The following RELCH variants were observed in gnomAD, a reference collection of about 807,000 sequenced individuals.
RELCH encodes RAB11-binding protein RELCH.
Under a neutral mutation model 150.3 loss-of-function variants are expected in RELCH, and 41 were observed. The ratio of observed to expected loss-of-function variants is 0.27; its 90% CI spans 0.21 to 0.35. The LOEUF is 0.35. Among genes scored for constraint, RELCH ranks in the 10% least tolerant of loss-of-function variants. RELCH has a pLI of 1.00. For missense variants in RELCH, 1,092 were observed against 1,467.8 expected (o/e 0.74, Z 4.18); for synonymous variants, 478 against 531.8 (o/e 0.90, Z 1.39).
chr18:62,187,766 G>A lies in RELCH; in HGVS notation c.261G>A (p.Glu87=), dbSNP rs751429090. The A allele has an allele frequency of 1.2e-6, 2 of 1,610,458 alleles. No homozygotes were observed. The highest frequency in any genetic ancestry group is 1.7e-6 in the Non-Finnish European group (2 of 1,178,308). The change falls in exon 1 of 29, where the codon GAG becomes GAA. Residue 87 remains glutamate, a synonymous_variant. Coordinates refer to ENST00000644646, the MANE Select transcript of RELCH (RefSeq NM_001346231.2). The part of the protein sequence containing the change: ...AAAVALGGTG[E]TPARLSIDAI... ...CAGTGGCCCTGGGGGGCACCGGGGA[G>A]ACCCCGGCCCGATTATCAATTGATG...
At chr18:62,222,919 G>A (rs2040974049) in intron 5 of RELCH, among the ~76,000 whole-genome samples, 2 of 151,946 alleles carry the variant, frequency 1.3e-5, no homozygotes, top group Admixed American at 1.3e-4. Context: ...AAATTATGAA[G>A]TATTTTGAAC....
intron 25 of RELCH, among the ~76,000 whole-genome samples, chr18:62,282,839 G>A (rs571737226): frequency 2.7e-4 from 41 of 152,090 alleles, no homozygotes; most frequent in Non-Finnish European, 4.7e-4. Flanking sequence ...TGTATTTTTC[G>A]TAGAGACGGG....
At chr18:62,205,601 T>C (rs1195396665) in intron 1 of RELCH, among the ~76,000 whole-genome samples, 4 of 152,258 alleles carry the variant, frequency 2.6e-5, no homozygotes, top group Non-Finnish European at 5.9e-5. Flanking sequence ...TTTTTAATAT[T>C]AACTTTTTGA....
Position 62,228,470 on chromosome 18 carries a change from A to G in RELCH, c.1320A>G (p.Ile440Met). ...KGKNTDIHLS[I>M]SDEADSTIPK... ...AAAACACAGACATCCATCTTTCAATATCAGATGAAGCTGATTCCACTATTC... is the reference window on the plus strand; with the variant it reads ...AAAACACAGACATCCATCTTTCAATGTCAGATGAAGCTGATTCCACTATTC... Residue 440 changes from isoleucine to methionine, a missense_variant, in exon 8 of 29, where the codon ATA becomes ATG. By Grantham distance (10) the Ile-to-Met change is conservative. This residue lies in a region of RELCH where 707 missense variants were observed against 1,025.4 expected (regional missense o/e 0.69). Transcript: ENST00000644646. The G allele has an allele frequency of 6.2e-7, 1 of 1,613,382 alleles. No individual in the cohort carries two copies. The highest frequency in any genetic ancestry group is 8.5e-7 in the Non-Finnish European group (1 of 1,179,626).
chr18:62,210,740 C>T (rs938172356), intron 1 of RELCH, among the ~76,000 whole-genome samples: 8 of 152,086 alleles, frequency 5.3e-5, no homozygotes, highest in African/African-American at 1.9e-4. Flanking sequence ...TCACATTTTA[C>T]TGGTTTTTGT....
chr18:62,255,757 A>G (rs540918436), intron 13 of RELCH, among the ~76,000 whole-genome samples: 2 of 152,190 alleles, frequency 1.3e-5, no homozygotes, highest in South Asian at 2.1e-4. Context: ...AGATCCTTCC[A>G]AAAAGGTCCA....
Position 62,228,338 on chromosome 18 carries a change from C to T in RELCH, c.1188C>T (p.Ala396=). The change falls in exon 8 of 29, where the codon GCC becomes GCT. Residue 396 remains alanine, a synonymous_variant. Transcript: ENST00000644646. ...EMDFLKNEHF[A]IPAVCDSVQP... ...ACTTCCTCAAAAATGAACACTTTGC[C>T]ATCCCAGCAGTTTGTGACTCTGTTC... The T allele has an allele frequency of 6.2e-7, 1 of 1,611,932 alleles. No individual in the cohort carries two copies. Among genetic ancestry groups the T allele is most frequent in the Non-Finnish European group, 8.5e-7 (1 of 1,179,086 alleles).
intron 1 of RELCH, among the ~76,000 whole-genome samples, chr18:62,192,878 G>A (rs2148178297): frequency 6.6e-6 from 1 of 152,128 alleles, no homozygotes; most frequent in Non-Finnish European, 1.5e-5. Flanking sequence ...CTCTTTTTTG[G>A]TTCCATATGA....
intron 1 of RELCH, among the ~76,000 whole-genome samples, chr18:62,194,532 T>G (rs1023890278): frequency 2.8e-4 from 42 of 152,356 alleles, no homozygotes; most frequent in Non-Finnish European, 3.8e-4. Flanking sequence ...AGTACAAACT[T>G]TAGTACAGTT....
In RELCH at chr18:62,308,614, G is replaced by A. The variant is rs1300389046; in HGVS notation, c.*3080G>A. 6.6e-6 allele frequency: 1 copy of A among 152,150 alleles called. No individual in the cohort carries two copies. Among genetic ancestry groups the A allele is most frequent in the Non-Finnish European group, 1.5e-5 (1 of 68,040 alleles). 9.4% of individuals were successfully genotyped at this position (152,150 alleles called of 1,614,324 possible). A position where few individuals can be genotyped will look rare whatever the true frequency, so the allele number is the denominator to read the frequency against. ...GGCCTGTAATCCCTGCTACTCGGGA[G>A]GCTGAGACAGGAGAATCGTTTGAAC... On this transcript the variant is annotated 3_prime_UTR_variant, in exon 29 of 29. Transcript: ENST00000644646.
At chr18:62,240,083 T>G (rs967202520) in intron 10 of RELCH, among the ~76,000 whole-genome samples, 5 of 151,956 alleles carry the variant, frequency 3.3e-5, no homozygotes, top group African/African-American at 1.2e-4. Flanking sequence ...CACATTATAT[T>G]TGGATATAAT....
In RELCH at chr18:62,187,320, G is replaced by T; in HGVS notation, c.-186G>T. On this transcript the variant is annotated 5_prime_UTR_variant, in exon 1 of 29. Transcript: ENST00000644646. Reference sequence around the variant, plus strand: ...CCGGGCTGCTGGTGCAGCAGAGGCTGAGGCATCAGGTGCAGCTGCATCCGG... The same window carrying T: ...CCGGGCTGCTGGTGCAGCAGAGGCTTAGGCATCAGGTGCAGCTGCATCCGG... 1 of 464,608 alleles carries T rather than the reference G, an allele frequency of 2.2e-6. No individual in the cohort carries two copies. Among genetic ancestry groups the T allele is most frequent in the Non-Finnish European group, 3.7e-6 (1 of 268,896 alleles). 28.8% of individuals were successfully genotyped at this position (464,608 alleles called of 1,614,324 possible).
At chr18:62,258,732 C>A in intron 15 of RELCH, 56 bp downstream of exon 15, 1 of 1,241,370 alleles carries the variant, frequency 8.1e-7, no homozygotes, top group Admixed American at 3.0e-5. Flanking sequence ...CTGTCCTAAG[C>A]CATCTTGGAA....
At chr18:62,276,798 T>G (rs1461960165) in intron 22 of RELCH, among the ~76,000 whole-genome samples, 4 of 152,130 alleles carry the variant, frequency 2.6e-5, no homozygotes, top group Non-Finnish European at 4.4e-5. Flanking sequence ...AGAAGCAACT[T>G]TTAAAAAGCC....
intron 1 of RELCH, among the ~76,000 whole-genome samples, chr18:62,191,533 A>G (rs1272305643): frequency 6.6e-6 from 1 of 152,096 alleles, no homozygotes; most frequent in African/African-American, 2.4e-5. Context: ...TCACCTAGGT[A>G]TTATGCCCAG....
chr18:62,218,674 G>A (rs1476342337), intron 2 of RELCH, among the ~76,000 whole-genome samples: 1 of 151,828 alleles, frequency 6.6e-6, no homozygotes, highest in Non-Finnish European at 1.5e-5. Context: ...TATAATATGC[G>A]ATGTTAATAT....
Position 62,279,825 on chromosome 18 carries a change from G to T in RELCH, c.3019G>T (p.Ala1007Ser). ...ETLVAQRVVPALITLSSDPEI... is the reference protein window; with the variant it reads ...ETLVAQRVVPSLITLSSDPEI... ...TCTGGTAGCTCAGAGGGTTGTTCCT[G>T]CTCTCATTACTCTCTCCAGTGACCC... The change falls in exon 23 of 29, where the codon GCT (alanine) becomes TCT (serine). Residue 1007 changes from alanine to serine, a missense_variant. Physicochemically the swap from Ala to Ser is moderately conservative, Grantham distance 99. Transcript: ENST00000644646. 1 of 1,535,580 alleles carries T rather than the reference G, an allele frequency of 6.5e-7. No homozygotes were observed. Among genetic ancestry groups the T allele is most frequent in the Non-Finnish European group, 8.7e-7 (1 of 1,146,538 alleles).
intron 13 of RELCH, among the ~76,000 whole-genome samples, chr18:62,257,429 G>T (rs1260834893): frequency 2.6e-5 from 4 of 151,906 alleles, no homozygotes. Context: ...AGGATTTTAG[G>T]TTTCCTCACC....
At chr18:62,219,053 TA>T (rs1431439660) in intron 2 of RELCH, among the ~76,000 whole-genome samples, 47 of 151,990 alleles carry the variant, frequency 3.1e-4, no homozygotes, top group Non-Finnish European at 2.9e-5. Context: ...CTTTGTCTTT[TA>T]AAGTCTATAT....
Sources: gnomAD v4.1 joint callset for allele counts (sites outside exome capture counted in the v4.1 genomes callset) on GRCh38, gnomAD v4.1.1 for gene constraint, gnomAD v4.1.1 regional missense constraint, MANE v1.5 for transcripts, NCBI Gene and HGNC (gene_info 2026-07-23, HGNC 2026-07-21) for gene names.